Variants in OR3A2 observed in about 807,000 individuals in gnomAD.
OR3A2 encodes olfactory receptor family 3 subfamily A member 2, also known as olfactory receptor 3A2.
For synonymous variants in OR3A2, 126 were observed against 159.3 expected, an observed-to-expected ratio of 0.79 and a Z score of 1.57; for missense variants, 318 against 392.8, an observed-to-expected ratio of 0.81 and a Z score of 1.61.
At chr17:3,300,170 T>G (rs2855668) in intron 3 of OR3A2, among the ~76,000 whole-genome samples, 72,754 of 151,268 alleles carry the variant, frequency 0.48, 18,655 homozygotes, top group East Asian at 0.96. Flanking sequence ...AAAAACAACT[T>G]TTATGACATC....
chr17:3,379,472 G>A (rs933511180), intron 2 of OR3A2, among the ~76,000 whole-genome samples: 2 of 152,208 alleles, frequency 1.3e-5, no homozygotes, highest in Non-Finnish European at 2.9e-5. Context: ...CACATGGGGT[G>A]TGAGGCTCGG....
chr17:3,346,047 T>A lies in OR3A2; in HGVS notation c.-178-9921A>T, dbSNP rs185393282. 5.9e-3 allele frequency among the ~76,000 whole-genome samples: 900 copies of A among 152,240 alleles called. 1 individual carries two copies. Among genetic ancestry groups the A allele is most frequent in the Non-Finnish European group, 9.7e-3 (661 of 68,024 alleles). ...AGGTGTTTTGTACTAAACCTTCCTC[T>A]GGGGACAATTATAAAAGCTAGACAA... On this transcript the variant is annotated intron_variant, in intron 2 of 4. Coordinates refer to the OR3A2 transcript ENST00000573491.
At chr17:3,329,247 C>T (rs1197688334) in intron 3 of OR3A2, among the ~76,000 whole-genome samples, 1 of 151,156 alleles carries the variant, frequency 6.6e-6, no homozygotes, top group Non-Finnish European at 1.5e-5. Context: ...GGGAGGATTC[C>T]CTCTTTTTCT....
chr17:3,354,076 T>C (rs1293877679), intron 2 of OR3A2, among the ~76,000 whole-genome samples: 1 of 151,848 alleles, frequency 6.6e-6, no homozygotes, highest in Non-Finnish European at 1.5e-5. Context: ...TTAAATTTGA[T>C]TGGCTAGCAT....
intron 2 of OR3A2, among the ~76,000 whole-genome samples, chr17:3,374,016 T>C (rs972879554): frequency 1.3e-5 from 2 of 152,206 alleles, no homozygotes; most frequent in South Asian, 2.1e-4. Context: ...TCTCTTAACA[T>C]TTGTCAGTCT....
chr17:3,360,389 T>C (rs2150658887), intron 2 of OR3A2, among the ~76,000 whole-genome samples: 1 of 151,828 alleles, frequency 6.6e-6, no homozygotes, highest in Admixed American at 6.5e-5. Context: ...CTGATGGTAG[T>C]TTCTTTGGCT....
chr17:3,371,218 C>A (rs230480), intron 2 of OR3A2, among the ~76,000 whole-genome samples: 2,989 of 151,876 alleles, frequency 0.02, 104 homozygotes, highest in African/African-American at 0.066. Flanking sequence ...CCTCACCTCC[C>A]GGGTGGGGCG....
At position 3,297,076 on chromosome 17, in the gene OR3A2, C is replaced by T. The variant is rs571644419; in HGVS notation, c.-84-17923G>A. Among the ~76,000 whole-genome samples, 7 of 152,286 alleles carry T rather than the reference C, an allele frequency of 4.6e-5. No individual in the cohort carries two copies. The East Asian group carries it at 1.2e-3, about 25-fold the overall frequency. ...TTTTATATCTGCAATTAAGGCAGAG[C>T]AGCAGTTATGGACACCAGGCAGAGC... On this transcript the variant is annotated intron_variant, in intron 3 of 4. Transcript: ENST00000573491.
intron 3 of OR3A2, among the ~76,000 whole-genome samples, chr17:3,313,692 CCT>C (rs1363185523): frequency 1.3e-5 from 2 of 152,206 alleles, no homozygotes; most frequent in African/African-American, 4.8e-5. Flanking sequence ...TTCTTAATCT[CCT>C]CTGAAAGAGT....
chr17:3,326,747 C>A (rs1184671889), intron 3 of OR3A2, among the ~76,000 whole-genome samples: 15 of 133,346 alleles, frequency 1.1e-4, no homozygotes, highest in African/African-American at 3.2e-4. Context: ...TATTCCCCTT[C>A]CTGTGTCCAT....
chr17:3,329,665 C>A (rs1327826082), intron 3 of OR3A2, among the ~76,000 whole-genome samples: 1 of 134,822 alleles, frequency 7.4e-6, no homozygotes, highest in African/African-American at 2.9e-5. Context: ...AAAACCAGCT[C>A]CTGGATTCGT....
chr17:3,282,124 G>C (rs985442966), intron 1 of OR3A2, among the ~76,000 whole-genome samples: 2 of 152,104 alleles, frequency 1.3e-5, no homozygotes, highest in Admixed American at 6.5e-5. Flanking sequence ...TTAGAATCAA[G>C]GTAATCTCAG....
At chr17:3,320,735 T>G (rs1473863453) in intron 3 of OR3A2, among the ~76,000 whole-genome samples, 1 of 152,102 alleles carries the variant, frequency 6.6e-6, no homozygotes, top group Non-Finnish European at 1.5e-5. Flanking sequence ...TCCATTGGTC[T>G]ATATCTCTGT....
At chr17:3,353,270 CT>C (rs1416277054) in intron 2 of OR3A2, among the ~76,000 whole-genome samples, 1 of 151,718 alleles carries the variant, frequency 6.6e-6, no homozygotes, top group African/African-American at 2.4e-5. Flanking sequence ...TTGGTAGAGT[CT>C]TTAGGTTTTC....
chr17:3,333,982 C>T (rs998224472), intron 3 of OR3A2, among the ~76,000 whole-genome samples: 21 of 152,082 alleles, frequency 1.4e-4, no homozygotes, highest in African/African-American at 5.1e-4. Flanking sequence ...GACATTCATG[C>T]CGCCAAAAAC....
rs778840868 is a variant in OR3A2, at chr17:3,382,032, A to G, written c.-179+1772T>C. Among the ~76,000 whole-genome samples, 5 of 152,216 alleles carry G rather than the reference A, an allele frequency of 3.3e-5. No individual in the cohort carries two copies. In the East Asian group the frequency reaches 7.7e-4, roughly 23 times the overall value. ...CAAGTTCCCAATGAGAGATACAAGA[A>G]GCAGGAGTGAGGTGTTCGTGTGGGC... On this transcript the variant is annotated intron_variant, in intron 2 of 4. Coordinates refer to the OR3A2 transcript ENST00000573491.
intron 2 of OR3A2, among the ~76,000 whole-genome samples, chr17:3,342,438 C>T (rs1396819668): frequency 6.6e-6 from 1 of 152,166 alleles, no homozygotes; most frequent in Non-Finnish European, 1.5e-5. Flanking sequence ...TGGTGACCTA[C>T]AGATGGGGTT....
chr17:3,343,891 G>C (rs370835355), intron 2 of OR3A2, among the ~76,000 whole-genome samples: 35 of 152,172 alleles, frequency 2.3e-4, no homozygotes, highest in African/African-American at 8.2e-4. Flanking sequence ...AAGTAACCTA[G>C]ATTCATGCCA....
At chr17:3,347,179 C>A (rs1011433529) in intron 2 of OR3A2, among the ~76,000 whole-genome samples, 3 of 152,070 alleles carry the variant, frequency 2.0e-5, no homozygotes, top group Non-Finnish European at 4.4e-5. Flanking sequence ...GTTCCCTTTT[C>A]TCCACAACTC....
Sources: allele counts gnomAD v4.1 joint callset (sites outside exome capture counted in the v4.1 genomes callset), GRCh38; gene constraint gnomAD v4.1.1; transcripts MANE v1.5; gene names NCBI Gene and HGNC (gene_info 2026-07-23, HGNC 2026-07-21).